ROBO1: variants seen among roughly 807,000 people sequenced by gnomAD.
The protein encoded by ROBO1 is roundabout guidance receptor 1.
A neutral mutation model predicts 195.9 loss-of-function variants in ROBO1; 149 were observed. The observed-to-expected ratio is 0.76, with a 90% CI of 0.67 to 0.87. ROBO1 has a LOEUF of 0.87. Among genes scored for constraint, ROBO1 ranks in the 40% least tolerant of loss-of-function variants. ROBO1 has a pLI of 0.00. For missense variants in ROBO1, 1,933 were observed against 2,068.3 expected (o/e 0.93, Z 1.27); for synonymous variants, 816 against 733.2 (o/e 1.11, Z -1.82).
intron 1 of ROBO1, among the ~76,000 whole-genome samples, chr3:79,685,852 T>C (rs1947089505): frequency 6.6e-6 from 1 of 152,148 alleles, no homozygotes; most frequent in Admixed American, 6.5e-5. Flanking sequence ...AAAGAGGGAA[T>C]CTTCCCTAAC....
intron 2 of ROBO1, among the ~76,000 whole-genome samples, chr3:79,552,776 T>C (rs1335957785): frequency 6.6e-6 from 1 of 152,078 alleles, no homozygotes; most frequent in Non-Finnish European, 1.5e-5. Flanking sequence ...TGCCTGGAAG[T>C]GTTAAATCCC....
chr3:79,020,081 C>A (rs2078067467), intron 3 of ROBO1, among the ~76,000 whole-genome samples: 1 of 152,136 alleles, frequency 6.6e-6, no homozygotes, highest in Non-Finnish European at 1.5e-5. Flanking sequence ...CTTTCAACTT[C>A]ATACTCCACA....
At chr3:79,559,450 C>G (rs1319075814) in intron 2 of ROBO1, among the ~76,000 whole-genome samples, 1 of 152,142 alleles carries the variant, frequency 6.6e-6, no homozygotes, top group African/African-American at 2.4e-5. Context: ...GTTAAATGCT[C>G]TTGGGCAAAG....
intron 4 of ROBO1, among the ~76,000 whole-genome samples, chr3:78,770,088 T>C (rs1361847873): frequency 6.6e-6 from 1 of 152,114 alleles, no homozygotes; most frequent in African/African-American, 2.4e-5. Context: ...ATTTCCCAGG[T>C]GTTCTTCTTG....
intron 4 of ROBO1, among the ~76,000 whole-genome samples, chr3:78,754,526 T>C (rs1490532627): frequency 6.6e-6 from 1 of 152,196 alleles, no homozygotes; most frequent in Admixed American, 6.5e-5. Flanking sequence ...GTCAGCTCCA[T>C]GAGAACAGGG....
At chr3:79,098,150 T>C (rs931235948) in intron 3 of ROBO1, among the ~76,000 whole-genome samples, 4 of 151,838 alleles carry the variant, frequency 2.6e-5, no homozygotes, top group African/African-American at 9.7e-5. Context: ...ATGAGATTTA[T>C]AGGCTGAGGA....
At chr3:79,150,228 C>G (rs1282326655) in intron 2 of ROBO1, among the ~76,000 whole-genome samples, 1 of 151,296 alleles carries the variant, frequency 6.6e-6, no homozygotes, top group African/African-American at 2.4e-5. Flanking sequence ...TGTGACAGAT[C>G]TACAAAGAGT....
At chr3:79,711,218 T>C (rs185271651) in intron 1 of ROBO1, among the ~76,000 whole-genome samples, 19 of 152,258 alleles carry the variant, frequency 1.2e-4, no homozygotes, top group Non-Finnish European at 2.5e-4. Flanking sequence ...AGTTCTGTTA[T>C]AGAACTCATT....
chr3:78,733,045 G>A (rs1352861383), intron 5 of ROBO1, among the ~76,000 whole-genome samples: 2 of 152,112 alleles, frequency 1.3e-5, no homozygotes, highest in African/African-American at 4.8e-5. Flanking sequence ...GTGGTCAGAT[G>A]TTACCAAGAG....
intron 2 of ROBO1, among the ~76,000 whole-genome samples, chr3:79,486,181 T>C (rs1265165160): frequency 6.6e-6 from 1 of 152,022 alleles, no homozygotes; most frequent in Non-Finnish European, 1.5e-5. Context: ...TCACAAAGTA[T>C]TGTCTTTTTT....
chr3:78,958,942 G>A (rs754759638), intron 3 of ROBO1, among the ~76,000 whole-genome samples: 48 of 151,234 alleles, frequency 3.2e-4, no homozygotes, highest in South Asian at 2.1e-3. Context: ...CTCCCACCTG[G>A]GACCACAGGT....
chr3:79,549,039 G>A (rs1942378643), intron 2 of ROBO1, among the ~76,000 whole-genome samples: 1 of 152,168 alleles, frequency 6.6e-6, no homozygotes, highest in African/African-American at 2.4e-5. Context: ...TTCAAGGGAT[G>A]TGCACTTTAG....
chr3:78,696,719 T>C (rs1003740684), intron 8 of ROBO1, among the ~76,000 whole-genome samples: 15 of 147,260 alleles, frequency 1.0e-4, no homozygotes, highest in African/African-American at 3.3e-4. Context: ...TATACACGTA[T>C]ATATACATGT....
At chr3:79,129,153 A>G (rs2080274828) in intron 2 of ROBO1, among the ~76,000 whole-genome samples, 1 of 152,126 alleles carries the variant, frequency 6.6e-6, no homozygotes, top group African/African-American at 2.4e-5. Flanking sequence ...CACTAAACTG[A>G]TCGGCTTGTT....
intron 3 of ROBO1, among the ~76,000 whole-genome samples, chr3:79,036,423 C>T (rs2078381873): frequency 6.6e-6 from 1 of 152,064 alleles, no homozygotes; most frequent in Non-Finnish European, 1.5e-5. Flanking sequence ...TTAATTTTAA[C>T]ATTGTGTCAG....
intron 1 of ROBO1, among the ~76,000 whole-genome samples, chr3:79,757,153 C>T (rs1704451519): frequency 6.6e-6 from 1 of 152,104 alleles, no homozygotes; most frequent in Admixed American, 6.6e-5. Context: ...TGAGTCTCTG[C>T]TTTTAGTTCT....
intron 1 of ROBO1, among the ~76,000 whole-genome samples, chr3:79,738,928 T>G (rs1167343614): frequency 2.6e-5 from 4 of 152,138 alleles, no homozygotes; most frequent in Non-Finnish European, 5.9e-5. Context: ...ATGTGCCAAT[T>G]GCTACTGAAA....
chr3:79,042,656 C>T (rs1040310242), intron 3 of ROBO1, among the ~76,000 whole-genome samples: 13 of 151,992 alleles, frequency 8.6e-5, no homozygotes, highest in Admixed American at 8.5e-4. Flanking sequence ...ATCAGTTTAC[C>T]AAATTGAAAC....
intron 4 of ROBO1, among the ~76,000 whole-genome samples, chr3:78,801,082 G>A (rs1209203337): frequency 2.6e-5 from 4 of 152,054 alleles, no homozygotes; most frequent in Non-Finnish European, 5.9e-5. Context: ...TGTGTGACAG[G>A]ATATAGACAA....
Sources: allele counts gnomAD v4.1 joint callset (sites outside exome capture counted in the v4.1 genomes callset), GRCh38; gene constraint gnomAD v4.1.1; transcripts MANE v1.5; gene names NCBI Gene and HGNC (gene_info 2026-07-23, HGNC 2026-07-21).